The following DOC2B variants were observed in gnomAD, a reference collection of about 807,000 sequenced individuals.
The protein encoded by DOC2B is double C2 domain beta.
In DOC2B, 21 loss-of-function variants were observed where a neutral mutation model predicts 28.9. That is an observed-to-expected ratio of 0.73 (90% CI 0.52 to 1.05). DOC2B has a LOEUF of 1.05. DOC2B is among the 50% of genes least tolerant of loss of function. DOC2B has a pLI of 0.00. For missense variants in DOC2B, 384 were observed against 421.1 expected, an observed-to-expected ratio of 0.91 and a Z score of 0.77; for synonymous variants, 194 against 178.1, an observed-to-expected ratio of 1.09 and a Z score of -0.71.
At chr17:165,822 G>C (rs1484929654) in intron 2 of DOC2B, among the ~76,000 whole-genome samples, 2 of 152,242 alleles carry the variant, frequency 1.3e-5, no homozygotes, top group Non-Finnish European at 2.9e-5. Flanking sequence ...CTGGGAATCT[G>C]GTGGCCTGGC....
chr17:177,060 C>A, intron 1 of DOC2B, among the ~76,000 whole-genome samples: 2 of 113,684 alleles, frequency 1.8e-5, no homozygotes, highest in Admixed American at 1.1e-4. Context: ...AGAAAAATGT[C>A]AGGCTCTCAA....
In DOC2B at chr17:177,184, G is replaced by C. The variant is rs934508774; in HGVS notation, c.373+3923C>G. Among the ~76,000 whole-genome samples, 6 of 152,238 alleles carry C rather than the reference G, an allele frequency of 3.9e-5. No homozygotes were observed. The South Asian group carries it at 6.2e-4, about 16-fold the overall frequency. ...CCATTCAGCCAGGCCGGCACTGCAG[G>C]GGGGACAGAGAGAAATGAGCCATCA... On this transcript the variant is annotated intron_variant, in intron 1 of 8. Transcript: ENST00000613549.
chr17:174,987 C>T (rs1316176839), intron 1 of DOC2B, among the ~76,000 whole-genome samples: 1 of 152,228 alleles, frequency 6.6e-6, no homozygotes, highest in East Asian at 1.9e-4. Flanking sequence ...CGCCTATAAT[C>T]CCAGCACTTT....
At chr17:153,793 AG>A (rs768523233) in intron 6 of DOC2B, among the ~76,000 whole-genome samples, 164 of 152,188 alleles carry the variant, frequency 1.1e-3, no homozygotes, top group Non-Finnish European at 2.0e-3. Context: ...ACAAATCAGA[AG>A]AAAAAACATA....
chr17:161,294 C>G (rs1052047858), intron 5 of DOC2B, 121 bp downstream of exon 5: 1 of 1,077,030 alleles, frequency 9.3e-7, no homozygotes, highest in African/African-American at 1.6e-5. Context: ...TGCTCACCTC[C>G]CCGGTCTCCC....
chr17:177,872 A>G (rs1049169693), intron 1 of DOC2B, among the ~76,000 whole-genome samples: 23 of 152,354 alleles, frequency 1.5e-4, no homozygotes, highest in African/African-American at 5.5e-4. Context: ...GGTGGACTCA[A>G]CCCCTTGTCC....
chr17:153,828 CTGTG>C (rs1309983628), intron 6 of DOC2B, among the ~76,000 whole-genome samples: 1 of 152,086 alleles, frequency 6.6e-6, no homozygotes, highest in East Asian at 1.9e-4. Flanking sequence ...CAGTATCCTA[CTGTG>C]TGTGTCGTTT....
intron 1 of DOC2B, among the ~76,000 whole-genome samples, chr17:174,766 T>C (rs982919187): frequency 1.3e-5 from 2 of 152,204 alleles, no homozygotes; most frequent in Admixed American, 1.3e-4. Flanking sequence ...ATTCAATAAT[T>C]GTTTCTCCCA....
In DOC2B at chr17:181,464, G is replaced by T; in HGVS notation, c.16C>A (p.Arg6Ser). The T allele has an allele frequency of 8.9e-7, 1 of 1,120,076 alleles. No individual in the cohort carries two copies. Among genetic ancestry groups the T allele is most frequent in the Non-Finnish European group, 1.1e-6 (1 of 906,722 alleles). The allele number at this position is 1,120,076 out of a possible 1,614,324, so 69.4% of individuals were successfully genotyped here. A position where few individuals can be genotyped will look rare whatever the true frequency, so the allele number is the denominator to read the frequency against. ...ATGCTGATGGTCGCCTTCTCCCCGCGCCGCCGGAGGGTCATGCAGGCAGCG... is the reference window on the plus strand; with the variant it reads ...ATGCTGATGGTCGCCTTCTCCCCGCTCCGCCGGAGGGTCATGCAGGCAGCG... MTLRRRGEKATISIQE... is the reference protein window; with the variant it reads MTLRRSGEKATISIQE... The change falls in exon 1 of 9, where the codon CGC becomes AGC. Residue 6 changes from arginine (R) to serine (S), a missense_variant. Transcript: ENST00000613549. The surrounding 1 kb of genome is among the most constrained non-coding windows in gnomAD (Gnocchi z 7.0).
chr17:169,493 C>T (rs2040287387), intron 2 of DOC2B, among the ~76,000 whole-genome samples: 1 of 151,774 alleles, frequency 6.6e-6, no homozygotes, highest in Non-Finnish European at 1.5e-5. Flanking sequence ...TGGTTGAGCG[C>T]TGAGGGAAGA....
At chr17:159,616 T>G (rs758361647) in intron 5 of DOC2B, among the ~76,000 whole-genome samples, 1 of 152,044 alleles carries the variant, frequency 6.6e-6, no homozygotes, top group African/African-American at 2.4e-5. Flanking sequence ...AGAGCAAGAC[T>G]CAGTCTCAAA....
At position 156,161 on chromosome 17, in the gene DOC2B, C is replaced by A. The variant is rs561457560; in HGVS notation, c.923+59G>T. 6.1e-6 allele frequency: 9 copies of A among 1,481,810 alleles called. No individual in the cohort carries two copies. The African/African-American group carries it at 9.8e-5, about 16-fold the overall frequency. The allele number at this position is 1,481,810 out of a possible 1,614,324, so 91.8% of individuals were successfully genotyped here. A position where few individuals can be genotyped will look rare whatever the true frequency, so the allele number is the denominator to read the frequency against. ...CACCTGGGACCACGGAGCCGGCACA[C>A]GGACCCCCGTCCTTGGAGGTGAAGA... On this transcript the variant is annotated intron_variant, in intron 6 of 8. Transcript: ENST00000613549.
In DOC2B at chr17:173,612, G is replaced by A. The variant is rs139322397; in HGVS notation, c.374-996C>T. 2.0e-3 allele frequency among the ~76,000 whole-genome samples: 307 copies of A among 152,326 alleles called. 1 individual carries two copies. Among genetic ancestry groups the A allele is most frequent in the African/African-American group, 6.9e-3 (286 of 41,570 alleles). On this transcript the variant is annotated intron_variant, in intron 1 of 8. Transcript: ENST00000613549. ...GAGGAACAAATGGAAATAATTTGCC[G>A]CAGTAGAGTCTGGTGAGCCGGGAGC...
Position 153,700 on chromosome 17 carries a change from C to CAA in DOC2B, c.923+2518_923+2519dup, listed in dbSNP as rs986649114. The stretch of plus-strand genomic sequence containing the variant: ...TGGGCAACAGAGTAAGACTCTGTCT[C>CAA]AAAAAAAAAAAAATCACACCATTTT... On this transcript the variant is annotated intron_variant, in intron 6 of 8. Transcript: ENST00000613549. Among the ~76,000 whole-genome samples, 301 of 138,216 alleles carry CAA rather than the reference C, an allele frequency of 2.2e-3. 1 individual carries two copies. Among genetic ancestry groups the CAA allele is most frequent in the African/African-American group, 7.6e-3 (290 of 38,086 alleles). The allele number at this position is 138,216 out of a possible 152,430, so 90.7% of individuals were successfully genotyped here.
At chr17:149,767 A>C (rs958341350) in intron 6 of DOC2B, among the ~76,000 whole-genome samples, 52 of 152,272 alleles carry the variant, frequency 3.4e-4, no homozygotes, top group African/African-American at 1.0e-3. Context: ...CGGCCTCCCA[A>C]AGTGCTGGGA....
At chr17:165,639 G>A (rs1192247727) in intron 2 of DOC2B, among the ~76,000 whole-genome samples, 5 of 152,162 alleles carry the variant, frequency 3.3e-5, no homozygotes, top group Non-Finnish European at 5.9e-5. Flanking sequence ...CCGGAGAAGC[G>A]GTTGAGGTCT....
intron 6 of DOC2B, among the ~76,000 whole-genome samples, chr17:155,742 A>G (rs184800604): frequency 6.6e-6 from 1 of 152,206 alleles, no homozygotes; most frequent in African/African-American, 2.4e-5. Flanking sequence ...GTCTCTCCCC[A>G]GGCCCACCAT....
intron 1 of DOC2B, among the ~76,000 whole-genome samples, chr17:173,721 AG>A (rs1405269656): frequency 6.6e-6 from 1 of 152,178 alleles, no homozygotes; most frequent in Non-Finnish European, 1.5e-5. Flanking sequence ...AGGGATGAGT[AG>A]GAGTTGGCCA....
Position 143,245 on chromosome 17 carries a change from C to G in DOC2B, c.*4196G>C, listed in dbSNP as rs2039996572. 1 of 152,110 alleles carries G rather than the reference C, an allele frequency of 6.6e-6. No individual in the cohort carries two copies. The allele number at this position is 152,110 out of a possible 1,614,324, so 9.4% of individuals were successfully genotyped here. On this transcript the variant is annotated 3_prime_UTR_variant, in exon 9 of 9. Coordinates refer to ENST00000613549, the MANE Select transcript of DOC2B (RefSeq NM_003585.5). ...TTGAGGGCCTACCTCAAATGGGTCC[C>G]TGGTGAAGAGTAACAAGACTATATC...
Sources: allele counts gnomAD v4.1 joint callset (sites outside exome capture counted in the v4.1 genomes callset), GRCh38; gene constraint gnomAD v4.1.1; non-coding constraint Gnocchi (gnomAD v3.1); transcripts MANE v1.5; gene names NCBI Gene and HGNC (gene_info 2026-07-23, HGNC 2026-07-21).